The following ZFHX3 variants were observed in gnomAD, a reference collection of about 807,000 sequenced individuals.
The protein encoded by ZFHX3 is zinc finger homeobox 3.
ZFHX3 carries 42 observed loss-of-function variants against 279.1 expected under a neutral mutation model. The observed-to-expected ratio is 0.15, with a 90% CI of 0.12 to 0.19. The LOEUF (loss-of-function observed/expected upper bound fraction) is 0.19, where lower values mean the gene tolerates loss of function less well. ZFHX3 is among the 10% of genes least tolerant of loss of function. The probability of loss-of-function intolerance (pLI) is 1.00; values close to 1 mark genes in which losing one functional copy is unlikely to be tolerated. For missense variants in ZFHX3, 4,981 were observed against 4,754.0 expected, an observed-to-expected ratio of 1.05 and a Z score of -1.40; for synonymous variants, 2,293 against 1,957.8, an observed-to-expected ratio of 1.17 and a Z score of -4.52.
At chr16:72,891,149 G>A (rs528223407) in intron 3 of ZFHX3, among the ~76,000 whole-genome samples, 1 of 152,324 alleles carries the variant, frequency 6.6e-6, no homozygotes. Flanking sequence ...CTCCAGACTA[G>A]TTCCCTGTCA....
chr16:72,974,894 C>T (rs57263129), intron 1 of ZFHX3, among the ~76,000 whole-genome samples: 27,746 of 152,106 alleles, frequency 0.18, 2,943 homozygotes, highest in East Asian at 0.37. Flanking sequence ...TGCACAGAGA[C>T]CCCATCACTG....
chr16:73,406,732 G>A (rs991212979), intron 3 of ZFHX3, among the ~76,000 whole-genome samples: 6 of 152,188 alleles, frequency 3.9e-5, no homozygotes, highest in African/African-American at 9.7e-5. Flanking sequence ...TTTTAGGGCC[G>A]AAGGATGGTC....
In ZFHX3 at chr16:72,959,955, C is replaced by A. The variant is rs1961491686; in HGVS notation, c.191G>T (p.Ser64Ile). 6.2e-7 allele frequency: 1 copy of A among 1,606,582 alleles called. No homozygotes were observed. Among genetic ancestry groups the A allele is most frequent in the Non-Finnish European group, 8.5e-7 (1 of 1,176,158 alleles). The change falls in exon 2 of 10, where the codon AGC becomes ATC. Residue 64 changes from serine (S) to isoleucine (I), a missense_variant. Transcript: ENST00000268489. ...RAPFNERLAESTASAGPPSEP... is the reference protein window; with the variant it reads ...RAPFNERLAEITASAGPPSEP... ...GGAGGGGGGCCCGGCCGACGCGGTG[C>A]TCTCCGCGAGGCGCTCATTGAAGGG... is the stretch of plus-strand genomic sequence containing the variant.
intron 2 of ZFHX3, among the ~76,000 whole-genome samples, chr16:73,499,037 C>T (rs1487697117): frequency 6.6e-6 from 1 of 152,180 alleles, no homozygotes; most frequent in Non-Finnish European, 1.5e-5. Flanking sequence ...GGGTTGGACT[C>T]ATGGGCAAAA....
At chr16:73,220,430 AT>A (rs749014842) in intron 5 of ZFHX3, among the ~76,000 whole-genome samples, 47 of 152,202 alleles carry the variant, frequency 3.1e-4, no homozygotes, top group Non-Finnish European at 5.6e-4. Context: ...ATGTAAACCA[AT>A]TAAAAAAAAG....
intron 2 of ZFHX3, among the ~76,000 whole-genome samples, chr16:73,576,722 A>G (rs983389347): frequency 1.6e-5 from 2 of 121,650 alleles, no homozygotes; most frequent in Admixed American, 7.9e-5. Context: ...AAACAAAAAC[A>G]AAAAACCTTC....
intron 8 of ZFHX3, among the ~76,000 whole-genome samples, chr16:72,799,176 G>A (rs540645299): frequency 6.6e-6 from 1 of 152,290 alleles, no homozygotes; most frequent in African/African-American, 2.4e-5. Context: ...AAGTTGTGAG[G>A]AATTTACAAG....
chr16:73,333,336 T>C (rs899914910), intron 3 of ZFHX3, among the ~76,000 whole-genome samples: 15 of 151,830 alleles, frequency 9.9e-5, no homozygotes, highest in Admixed American at 8.5e-4. Context: ...ACAAGATACA[T>C]AGACACATAG....
intron 1 of ZFHX3, chr16:73,006,087 T>C (rs1315482124): frequency 6.6e-6 from 1 of 152,226 alleles, no homozygotes; most frequent in African/African-American, 2.4e-5. Context: ...TTTGTTTCTT[T>C]TTAACCATTA....
At chr16:73,105,475 G>T (rs1966292282) in intron 7 of ZFHX3, among the ~76,000 whole-genome samples, 1 of 125,998 alleles carries the variant, frequency 7.9e-6, no homozygotes, top group Admixed American at 8.2e-5. Context: ...CCCCAGGCCA[G>T]GCGTGCTGGC....
chr16:72,865,811 T>C (rs1447043657), intron 4 of ZFHX3, among the ~76,000 whole-genome samples: 1 of 152,190 alleles, frequency 6.6e-6, no homozygotes, highest in Non-Finnish European at 1.5e-5. Flanking sequence ...TGGGGCTGTG[T>C]GCCCTGCAGG....
chr16:73,361,672 G>C (rs1048758487), intron 3 of ZFHX3, among the ~76,000 whole-genome samples: 1 of 152,156 alleles, frequency 6.6e-6, no homozygotes, highest in African/African-American at 2.4e-5. Flanking sequence ...CACTGTAAAA[G>C]TTAGCAAGTT....
In ZFHX3 at chr16:73,428,683, GACAGAGAGA is replaced by G. The variant is rs2017856219; in HGVS notation, c.-1291+27311_-1291+27319del. Among the ~76,000 whole-genome samples, 4 of 152,180 alleles carry G rather than the reference GACAGAGAGA, an allele frequency of 2.6e-5. No individual in the cohort carries two copies. In the South Asian group the frequency reaches 8.3e-4, roughly 32 times the overall value. ...CCCACCATAAATAAATTAATAGACA[GACAGAGAGA>G]TAGAATAAATATGGATCACTACAAG... On this transcript the variant is annotated intron_variant, in intron 3 of 17. Transcript: ENST00000641206.
intron 5 of ZFHX3, among the ~76,000 whole-genome samples, chr16:73,206,342 T>C (rs924028246): frequency 9.9e-5 from 15 of 152,220 alleles, no homozygotes; most frequent in African/African-American, 3.1e-4. Flanking sequence ...TGAACCACTA[T>C]TGATACTGGG....
chr16:73,053,303 C>T (rs891750106), intron 1 of ZFHX3, among the ~76,000 whole-genome samples: 2 of 151,956 alleles, frequency 1.3e-5, no homozygotes, highest in African/African-American at 2.4e-5. Context: ...AGGCAGGAAA[C>T]GGGGAGAAAC....
chr16:73,116,570 T>C (rs988128359), intron 7 of ZFHX3, among the ~76,000 whole-genome samples: 2 of 152,126 alleles, frequency 1.3e-5, no homozygotes, highest in African/African-American at 4.8e-5. Context: ...ATGCAGACCA[T>C]GTACCTATCA....
exon 1 of ZFHX3, chr16:73,059,216 G>GA (rs79055312): frequency 0.49 from 59,251 of 120,902 alleles, 15,467 homozygotes; most frequent in Non-Finnish European, 0.59. Context: ...AGGAAGGGAG[G>GA]AAAAAAAAAA....
chr16:73,129,708 A>ATGTGTG (rs772853183), intron 7 of ZFHX3, among the ~76,000 whole-genome samples: 115 of 126,954 alleles, frequency 9.1e-4, no homozygotes, highest in African/African-American at 3.2e-3. Flanking sequence ...ATGTGTGTGC[A>ATGTGTG]TGTGTATGTG....
chr16:73,178,544 AT>A (rs1300758873), intron 5 of ZFHX3, among the ~76,000 whole-genome samples: 1 of 152,188 alleles, frequency 6.6e-6, no homozygotes, highest in Non-Finnish European at 1.5e-5. Context: ...TCATTTGTCT[AT>A]GGCATGATTC....
Sources: allele counts gnomAD v4.1 joint callset (sites outside exome capture counted in the v4.1 genomes callset), GRCh38; gene constraint gnomAD v4.1.1; transcripts MANE v1.5; gene names NCBI Gene and HGNC (gene_info 2026-07-23, HGNC 2026-07-21).